The following BAZ2B variants were observed in gnomAD, a reference collection of about 807,000 sequenced individuals.
BAZ2B encodes the protein bromodomain adjacent to zinc finger domain protein 2B.
A neutral mutation model predicts 246.0 loss-of-function variants in BAZ2B; 91 were observed. The observed-to-expected ratio is 0.37, with a 90% confidence interval of 0.31 to 0.44. BAZ2B has a LOEUF of 0.44. Ranked by LOEUF, BAZ2B falls within the 20% of genes least tolerant of loss-of-function variation. The pLI, the probability that BAZ2B is intolerant of heterozygous loss-of-function variation, is 1.00. For missense variants in BAZ2B, 2,332 were observed against 2,533.7 expected, an observed-to-expected ratio of 0.92 and a Z score of 1.71; for synonymous variants, 855 against 860.0, an observed-to-expected ratio of 0.99 and a Z score of 0.10.
At chr2:159,625,066 A>G in the BAZ2B span, among the ~76,000 whole-genome samples, 1 of 152,026 alleles carries the variant, frequency 6.6e-6, no homozygotes, top group African/African-American at 2.4e-5. Flanking sequence ...GATCAAGCAG[A>G]AGAAAGGATA....
chr2:159,327,493 TCA>T (rs1173239716), intron 34 of BAZ2B, among the ~76,000 whole-genome samples: 1 of 152,224 alleles, frequency 6.6e-6, no homozygotes, highest in African/African-American at 2.4e-5. Context: ...TATGTTTTAT[TCA>T]GTCTCTTCTC....
In BAZ2B at chr2:159,385,348, G is replaced by A. The variant is rs966144453; in HGVS notation, c.3493C>T (p.His1165Tyr). The change falls in exon 23 of 37, where the codon CAT becomes TAT. Residue 1165 changes from histidine (H) to tyrosine (Y), a missense_variant. Coordinates refer to ENST00000392783, the MANE Select transcript of BAZ2B (RefSeq NM_013450.4). ...GYKAKTALGE[H>Y]LLNVGVNRDN... Reference sequence around the variant, plus strand: ...CGATTCACACCAACATTCAGCAAATGTTCTCCAAGAGCTGTTTTAGCCTAT... The same window carrying A: ...CGATTCACACCAACATTCAGCAAATATTCTCCAAGAGCTGTTTTAGCCTAT... 3.7e-6 allele frequency: 6 copies of A among 1,612,542 alleles called. No homozygotes were observed. The African/African-American group carries it at 5.3e-5, about 14-fold the overall frequency.
chr2:159,334,235 G>A (rs980652461), intron 33 of BAZ2B, among the ~76,000 whole-genome samples: 2 of 152,104 alleles, frequency 1.3e-5, no homozygotes, highest in African/African-American at 4.8e-5. Context: ...AAGAAAGGGT[G>A]ACAGATATCA....
At chr2:159,525,662 C>T (rs1169840257) in intron 2 of BAZ2B, among the ~76,000 whole-genome samples, 6 of 152,088 alleles carry the variant, frequency 3.9e-5, no homozygotes, top group Non-Finnish European at 8.8e-5. Context: ...CTAGACCCAA[C>T]CATTTCAGAT....
At chr2:159,632,536 T>C in the BAZ2B span, among the ~76,000 whole-genome samples, 40 of 152,236 alleles carry the variant, frequency 2.6e-4, no homozygotes, top group Non-Finnish European at 4.9e-4. Flanking sequence ...TATTGTACTA[T>C]GGCAAAGAAA....
intron 1 of BAZ2B, among the ~76,000 whole-genome samples, chr2:159,574,142 TACACACACACAC>T (rs70997110): frequency 5.9e-4 from 85 of 145,178 alleles, no homozygotes; most frequent in African/African-American, 1.9e-3. Context: ...CACACACACA[TACACACACACAC>T]ACACACACAC....
At chr2:159,435,585 A>C (rs2072103928) in intron 8 of BAZ2B, 1 of 152,084 alleles carries the variant, frequency 6.6e-6, no homozygotes. Flanking sequence ...CGATCTCTTG[A>C]CCTTGTGATT....
intron 14 of BAZ2B, among the ~76,000 whole-genome samples, chr2:159,410,455 T>C (rs1177324856): frequency 2.0e-5 from 3 of 151,680 alleles, no homozygotes; most frequent in African/African-American, 7.2e-5. Context: ...TGAGTTCTCA[T>C]GAGATCTGCT....
intron 3 of BAZ2B, among the ~76,000 whole-genome samples, chr2:159,477,776 T>C (rs2078777753): frequency 6.6e-6 from 1 of 152,126 alleles, no homozygotes. Context: ...TTTTGGGAGG[T>C]GCTTAAAGAT....
At chr2:159,385,037 A>T in intron 23 of BAZ2B, 118 bp downstream of exon 23, 1 of 1,030,166 alleles carries the variant, frequency 9.7e-7, no homozygotes. Flanking sequence ...GTACAATTTT[A>T]ATTTTCTTCT....
chr2:159,659,556 G>C, the BAZ2B span, among the ~76,000 whole-genome samples: 69,447 of 151,882 alleles, frequency 0.46, 16,726 homozygotes, highest in Middle Eastern at 0.64. Flanking sequence ...ATTTTAGCTG[G>C]CAAAGACACA....
At chr2:159,599,219 C>A (rs72960296) in intron 1 of BAZ2B, among the ~76,000 whole-genome samples, 9,926 of 152,264 alleles carry the variant, frequency 0.065, 453 homozygotes, top group East Asian at 0.23. Flanking sequence ...CTAATGTTGA[C>A]TTTACGAGCC....
chr2:159,400,797 T>C (rs1460717961), intron 16 of BAZ2B, 133 bp from the exon 17 acceptor site: 1 of 496,914 alleles, frequency 2.0e-6, no homozygotes, highest in Non-Finnish European at 3.6e-6. Context: ...TCCCAGCACT[T>C]TGGGAGGCCA....
rs573368837 is a variant in BAZ2B at position 159,564,043 on chromosome 2, G to C, written c.-45-8178C>G. ...GCTTCATAGAATTTACATTTTAGCA[G>C]TAGAGACCTACAAAATCATTTTTGC... On this transcript the variant is annotated intron_variant, in intron 1 of 36. Transcript: ENST00000392783. Among the ~76,000 whole-genome samples the C allele has an allele frequency of 2.7e-3, 415 of 152,344 alleles. 1 individual carries two copies. Among genetic ancestry groups the C allele is most frequent in the Non-Finnish European group, 4.7e-3 (317 of 68,034 alleles).
the BAZ2B span, among the ~76,000 whole-genome samples, chr2:159,652,763 G>A: frequency 6.6e-6 from 1 of 151,752 alleles, no homozygotes; most frequent in Non-Finnish European, 1.5e-5. Flanking sequence ...AACTACAGGT[G>A]TGTGGTACCA....
chr2:159,669,532 C>T, the BAZ2B span, among the ~76,000 whole-genome samples: 1 of 151,860 alleles, frequency 6.6e-6, no homozygotes, highest in Admixed American at 6.6e-5. Context: ...GTGTTAAAAT[C>T]TTCTACCATG....
At chr2:159,623,570 A>C in the BAZ2B span, among the ~76,000 whole-genome samples, 262 of 152,238 alleles carry the variant, frequency 1.7e-3, 8 homozygotes, top group East Asian at 0.039. Flanking sequence ...CTGCTAGTGA[A>C]TGAGGCTCCT....
the BAZ2B span, among the ~76,000 whole-genome samples, chr2:159,632,739 C>T: frequency 7.9e-5 from 12 of 152,108 alleles, no homozygotes; most frequent in African/African-American, 2.7e-4. Context: ...TAAAGTGATA[C>T]ACTGTAAATA....
At chr2:159,552,753 C>T (rs1433705214) in intron 2 of BAZ2B, among the ~76,000 whole-genome samples, 1 of 152,140 alleles carries the variant, frequency 6.6e-6, no homozygotes, top group East Asian at 1.9e-4. Context: ...TGATTGCCAA[C>T]AAACATTTGC....
Sources: allele counts gnomAD v4.1 joint callset (sites outside exome capture counted in the v4.1 genomes callset), GRCh38; gene constraint gnomAD v4.1.1; transcripts MANE v1.5; gene names NCBI Gene and HGNC (gene_info 2026-07-23, HGNC 2026-07-21).